FLRT1: variants seen among roughly 807,000 people sequenced by gnomAD.
FLRT1 encodes fibronectin leucine rich transmembrane protein 1, also known as leucine-rich repeat transmembrane protein FLRT1.
In FLRT1, 14 loss-of-function variants were observed where a neutral mutation model predicts 30.9. The observed-to-expected ratio is 0.45, with a 90% CI of 0.30 to 0.71. FLRT1 has a LOEUF of 0.71. FLRT1 is among the 30% of genes least tolerant of loss of function. FLRT1 has a pLI of 0.08. For synonymous variants in FLRT1, 368 were observed against 430.4 expected (o/e 0.85, Z 1.80); for missense variants, 737 against 949.2 (o/e 0.78, Z 2.94).
intron 1 of FLRT1, among the ~76,000 whole-genome samples, chr11:64,040,853 C>T (rs1300847931): frequency 6.6e-6 from 1 of 152,018 alleles, no homozygotes; most frequent in Non-Finnish European, 1.5e-5. Context: ...GCTCAGCTAG[C>T]CACTAGGGGA....
rs1025662088 is a variant in FLRT1 at position 64,045,169 on chromosome 11, C to T, written c.-1038+9010C>T. On this transcript the variant is annotated intron_variant, in intron 1 of 2. Transcript: ENST00000682287. Reference sequence around the variant, plus strand: ...CTGCAGCCCAGATGCTGGCCTGTGACGTCAGCAGGTGGCCCAGCTGGGCCT... The same window carrying T: ...CTGCAGCCCAGATGCTGGCCTGTGATGTCAGCAGGTGGCCCAGCTGGGCCT... Among the ~76,000 whole-genome samples the T allele has an allele frequency of 2.6e-4, 39 of 151,336 alleles. 1 individual carries two copies. In the South Asian group the frequency reaches 4.2e-3, roughly 16 times the overall value.
Position 64,064,531 on chromosome 11 carries a change from C to T in FLRT1, c.-1038+28372C>T, listed in dbSNP as rs1023926606. 4.6e-5 allele frequency among the ~76,000 whole-genome samples: 7 copies of T among 152,102 alleles called. No homozygotes were observed. Among genetic ancestry groups the T allele is most frequent in the African/African-American group, 1.4e-4 (6 of 41,434 alleles). Reference sequence around the variant, plus strand: ...GGCAGGGTGCATATGTACGTATGTGCCTGGCATGGTCCTTGCCTGAGTCCT... The same window carrying T: ...GGCAGGGTGCATATGTACGTATGTGTCTGGCATGGTCCTTGCCTGAGTCCT... On this transcript the variant is annotated intron_variant, in intron 1 of 2. Coordinates refer to ENST00000682287, the MANE Select transcript of FLRT1 (RefSeq NM_013280.5). This position sits in a 1 kb window ranked among gnomAD's most constrained non-coding sequence, Gnocchi z 4.5.
intron 1 of FLRT1, among the ~76,000 whole-genome samples, chr11:64,097,409 AGAGAAGCTCCGTCCTGGGC>A (rs1278656974): frequency 6.6e-6 from 1 of 152,230 alleles, no homozygotes; most frequent in Non-Finnish European, 1.5e-5. Context: ...TCCCGTGGCA[AGAGAAGCTCCGTCCTGGGC>A]GAGTGGGCCC....
At chr11:64,062,431 C>A (rs1432043726) in intron 1 of FLRT1, among the ~76,000 whole-genome samples, 2 of 152,202 alleles carry the variant, frequency 1.3e-5, no homozygotes, top group Admixed American at 6.5e-5. Flanking sequence ...CTGGAACCAA[C>A]TGGGCATAGG....
intron 1 of FLRT1, among the ~76,000 whole-genome samples, chr11:64,058,446 A>C (rs1368508275): frequency 6.6e-6 from 1 of 152,132 alleles, no homozygotes; most frequent in Non-Finnish European, 1.5e-5. Flanking sequence ...ACGAGGGGGC[A>C]CCTGTAGCTG....
intron 1 of FLRT1, among the ~76,000 whole-genome samples, chr11:64,087,505 AC>A (rs1378879623): frequency 6.6e-6 from 1 of 152,122 alleles, no homozygotes; most frequent in Non-Finnish European, 1.5e-5. Flanking sequence ...CACAGTTGCC[AC>A]CCCTTGCTGG....
At chr11:64,046,505 G>A (rs981246341) in intron 1 of FLRT1, among the ~76,000 whole-genome samples, 3 of 152,158 alleles carry the variant, frequency 2.0e-5, no homozygotes, top group Non-Finnish European at 2.9e-5. Context: ...GGGACCCTGC[G>A]CTGTGCTCCA....
intron 1 of FLRT1, among the ~76,000 whole-genome samples, chr11:64,058,179 C>A (rs1309914860): frequency 6.6e-6 from 1 of 152,262 alleles, no homozygotes; most frequent in Admixed American, 6.5e-5. Flanking sequence ...TGTCCACCCA[C>A]GAAATGACTA....
At chr11:64,078,622 C>T (rs1167530953) in intron 1 of FLRT1, among the ~76,000 whole-genome samples, 1 of 152,162 alleles carries the variant, frequency 6.6e-6, no homozygotes, top group Non-Finnish European at 1.5e-5. Context: ...CTGGCCCTCT[C>T]CTGAGGTGAT....
chr11:64,087,812 C>T (rs1944421226), intron 1 of FLRT1, among the ~76,000 whole-genome samples: 1 of 152,242 alleles, frequency 6.6e-6, no homozygotes, highest in African/African-American at 2.4e-5. Context: ...GCTGGCTTCT[C>T]TGCACTGTGG....
Position 64,082,249 on chromosome 11 carries a change from G to C in FLRT1, c.-1037-20945G>C, listed in dbSNP as rs1279145283. Among the ~76,000 whole-genome samples the C allele has an allele frequency of 1.3e-5, 2 of 152,180 alleles. No individual in the cohort carries two copies. Among genetic ancestry groups the C allele is most frequent in the African/African-American group, 4.8e-5 (2 of 41,450 alleles). The stretch of plus-strand genomic sequence containing the variant: ...GGCAGCACTGGGCCCCTGCTTAGCA[G>C]AGGATGGCTGAGCCTGGGGGGTGGA... On this transcript the variant is annotated intron_variant, in intron 1 of 2. Transcript: ENST00000682287. This position sits in a 1 kb window ranked among gnomAD's most constrained non-coding sequence, Gnocchi z 4.5.
chr11:64,059,704 G>A (rs1204472453), intron 1 of FLRT1, among the ~76,000 whole-genome samples: 5 of 152,218 alleles, frequency 3.3e-5, no homozygotes, highest in African/African-American at 1.2e-4. Context: ...CACAGAGAGG[G>A]GCAGGTCACT....
intron 1 of FLRT1, among the ~76,000 whole-genome samples, chr11:64,044,398 C>T (rs901936033): frequency 3.9e-5 from 6 of 152,070 alleles, no homozygotes; most frequent in Admixed American, 6.5e-5. Context: ...ACTACAGGCA[C>T]GCACCAACAC....
chr11:64,064,343 C>T lies in FLRT1; in HGVS notation c.-1038+28184C>T, dbSNP rs1654752079. Among the ~76,000 whole-genome samples, 1 of 152,234 alleles carries T rather than the reference C, an allele frequency of 6.6e-6. No individual in the cohort carries two copies. The highest frequency in any genetic ancestry group is 6.5e-5 in the Admixed American group (1 of 15,304). On this transcript the variant is annotated intron_variant, in intron 1 of 2. Transcript: ENST00000682287. This position sits in a 1 kb window ranked among gnomAD's most constrained non-coding sequence, Gnocchi z 4.5. ...GATGTCTCATCAGAAGAGGGGCCTG[C>T]CTGTCCAGGTAGATCCTATGGGGCC...
intron 2 of FLRT1, among the ~76,000 whole-genome samples, chr11:64,107,813 C>T (rs1944790018): frequency 6.6e-6 from 1 of 152,130 alleles, no homozygotes; most frequent in Non-Finnish European, 1.5e-5. Context: ...TCTGGTGGGC[C>T]TGCAGTCCCT....
rs1256952306 is a variant in FLRT1, at chr11:64,064,907, G to A, written c.-1038+28748G>A. On this transcript the variant is annotated intron_variant, in intron 1 of 2. Coordinates refer to ENST00000682287, the MANE Select transcript of FLRT1 (RefSeq NM_013280.5). This position sits in a 1 kb window ranked among gnomAD's most constrained non-coding sequence, Gnocchi z 4.5. ...AGTGCTTCCAGAGCCCACCTATGAC[G>A]TGCCAGGCAAGGCGGCAGGCAGGAG... Among the ~76,000 whole-genome samples the A allele has an allele frequency of 6.6e-6, 1 of 152,104 alleles. No homozygotes were observed. Among genetic ancestry groups the A allele is most frequent in the South Asian group, 2.1e-4 (1 of 4,822 alleles).
At chr11:64,076,613 A>G (rs1293981461) in intron 1 of FLRT1, among the ~76,000 whole-genome samples, 1 of 152,204 alleles carries the variant, frequency 6.6e-6, no homozygotes, top group Non-Finnish European at 1.5e-5. Context: ...AGATACTATC[A>G]TTATCTCCAT....
At chr11:64,089,975 G>A (rs547694937) in intron 1 of FLRT1, among the ~76,000 whole-genome samples, 24 of 152,274 alleles carry the variant, frequency 1.6e-4, no homozygotes, top group Admixed American at 9.8e-4. Flanking sequence ...ATAAGATGGC[G>A]TCTTCATTGT....
intron 1 of FLRT1, among the ~76,000 whole-genome samples, chr11:64,102,412 C>T (rs1002374548): frequency 3.9e-5 from 6 of 152,154 alleles, no homozygotes; most frequent in South Asian, 2.1e-4. Context: ...GCCAGAAACA[C>T]GGAGACCCAA....
Sources: gnomAD v4.1 joint callset for allele counts (sites outside exome capture counted in the v4.1 genomes callset) on GRCh38, gnomAD v4.1.1 for gene constraint, Gnocchi (gnomAD v3.1) non-coding constraint, MANE v1.5 for transcripts, NCBI Gene and HGNC (gene_info 2026-07-23, HGNC 2026-07-21) for gene names.